Variants in KLHDC8A observed in about 807,000 individuals in gnomAD.
KLHDC8A encodes kelch domain-containing protein 8A.
KLHDC8A carries 21 observed loss-of-function variants against 33.1 expected under a neutral mutation model. The ratio of observed to expected loss-of-function variants is 0.64; its 90% confidence interval spans 0.45 to 0.91. KLHDC8A has a LOEUF of 0.91. Among genes scored for constraint, KLHDC8A ranks in the 40% least tolerant of loss-of-function variants. The probability of loss-of-function intolerance (pLI) is 0.00; values close to 1 mark genes in which losing one functional copy is unlikely to be tolerated. For synonymous variants in KLHDC8A, 173 were observed against 193.5 expected, an observed-to-expected ratio of 0.89 and a Z score of 0.88; for missense variants, 435 against 483.3, an observed-to-expected ratio of 0.90 and a Z score of 0.94.
chr1:205,341,293 G>A (rs1304416189), intron 2 of KLHDC8A, among the ~76,000 whole-genome samples: 1 of 152,082 alleles, frequency 6.6e-6, no homozygotes, highest in Non-Finnish European at 1.5e-5. Flanking sequence ...CTGGCTCCAG[G>A]AGGCCTTTAT....
chr1:205,357,018 C>T (rs1574919887), upstream of KLHDC8A: 1 of 156,100 alleles, frequency 6.4e-6, no homozygotes, highest in East Asian at 1.9e-4. Context: ...GAGCCGGACT[C>T]CTCTGCCAGA....
At chr1:205,343,003 A>G (rs1050123853) in intron 2 of KLHDC8A, among the ~76,000 whole-genome samples, 1 of 151,984 alleles carries the variant, frequency 6.6e-6, no homozygotes, top group African/African-American at 2.4e-5. Context: ...CATTGTCAGG[A>G]CCCCAAATAG....
chr1:205,337,613 A>G, intron 5 of KLHDC8A, 21 bp from the exon 6 acceptor site: 1 of 1,586,474 alleles, frequency 6.3e-7, no homozygotes, highest in South Asian at 1.2e-5. Context: ...CAAGGGAATC[A>G]GACCTTACAA....
Position 205,338,659 on chromosome 1 carries a change from A to G in KLHDC8A, c.758-63T>C, listed in dbSNP as rs1340298553. 3 of 1,371,590 alleles carry G rather than the reference A, an allele frequency of 2.2e-6. No individual in the cohort carries two copies. In the African/African-American group the frequency reaches 4.3e-5, roughly 20 times the overall value. 85.0% of individuals were successfully genotyped at this position (1,371,590 alleles called of 1,614,324 possible). Reference sequence around the variant, plus strand: ...ATAAGATACAGACCACTCCCACCAAATGCAGATTGTGGCCCAAATAGCTTT... The same window carrying G: ...ATAAGATACAGACCACTCCCACCAAGTGCAGATTGTGGCCCAAATAGCTTT... On this transcript the variant is annotated intron_variant, in intron 4 of 5. Coordinates refer to ENST00000367155, the MANE Select transcript of KLHDC8A (RefSeq NM_018203.3).
chr1:205,348,797 G>A (rs984863632), intron 1 of KLHDC8A, among the ~76,000 whole-genome samples: 1 of 152,126 alleles, frequency 6.6e-6, no homozygotes, highest in African/African-American at 2.4e-5. Flanking sequence ...AGCCTTACCA[G>A]GGCCCATACC....
chr1:205,342,942 G>A (rs1185663108), intron 2 of KLHDC8A, among the ~76,000 whole-genome samples: 1 of 152,122 alleles, frequency 6.6e-6, no homozygotes, highest in Non-Finnish European at 1.5e-5. Flanking sequence ...CTGGAATCAG[G>A]TCCCAAAGCC....
In KLHDC8A at chr1:205,343,396, G is replaced by T; in HGVS notation, c.209C>A (p.Ala70Glu). The change falls in exon 2 of 6, where the codon GCG becomes GAG. Residue 70 changes from alanine (A) to glutamate (E), a missense_variant. Ala to Glu is a moderately radical substitution (Grantham distance 107, BLOSUM62 -1). Coordinates refer to ENST00000367155, the MANE Select transcript of KLHDC8A (RefSeq NM_018203.3). ...TALPRLPTAR[A>E]GVAVTALGKR... ...CCCCAGGGCGGTGACGGCCACCCCC[G>T]CCCGGGCTGTGGGCAGCCGGGGCAA... 6.2e-7 allele frequency: 1 copy of T among 1,613,296 alleles called. No homozygotes were observed. The highest frequency in any genetic ancestry group is 2.2e-5 in the East Asian group (1 of 44,860).
intron 5 of KLHDC8A, among the ~76,000 whole-genome samples, chr1:205,338,003 G>A (rs1662681596): frequency 1.3e-5 from 2 of 152,216 alleles, no homozygotes; most frequent in South Asian, 2.1e-4. Context: ...CTTCCTTGAT[G>A]ATGGGGAACT....
chr1:205,351,706 G>T (rs1283297511), intron 1 of KLHDC8A, among the ~76,000 whole-genome samples: 1 of 151,734 alleles, frequency 6.6e-6, no homozygotes, highest in East Asian at 1.9e-4. Context: ...ATCACCTGAG[G>T]TCGGGAGTTT....
At chr1:205,344,606 C>T (rs1662896009) in intron 1 of KLHDC8A, 1 of 152,230 alleles carries the variant, frequency 6.6e-6, no homozygotes, top group Non-Finnish European at 1.5e-5. Context: ...AGTACACAGA[C>T]TCAGCTCGTG....
chr1:205,352,806 G>C (rs1271337637), intron 1 of KLHDC8A, among the ~76,000 whole-genome samples: 1 of 152,242 alleles, frequency 6.6e-6, no homozygotes, highest in African/African-American at 2.4e-5. Context: ...AGGAGGGAGT[G>C]GCAGGGCCTT....
intron 1 of KLHDC8A, chr1:205,351,381 T>C (rs776093993): frequency 4.6e-6 from 4 of 872,284 alleles, no homozygotes; most frequent in Non-Finnish European, 7.9e-6. Flanking sequence ...TAGATGAATG[T>C]GTGGAAATGG....
intron 2 of KLHDC8A, among the ~76,000 whole-genome samples, chr1:205,340,750 C>T (rs1452575363): frequency 6.6e-6 from 1 of 152,238 alleles, no homozygotes; most frequent in African/African-American, 2.4e-5. Context: ...GTTGAGAATA[C>T]AGGCATGAGC....
At position 205,339,433 on chromosome 1, in the gene KLHDC8A, G is replaced by T. The variant is rs759491770; in HGVS notation, c.542-24C>A. ...CCCTGGGGGCCAGAGCAGGATAGAG[G>T]TTGGGCAGAAGGGTTGTCCCTGAGG... On this transcript the variant is annotated intron_variant, in intron 3 of 5. Coordinates refer to ENST00000367155, the MANE Select transcript of KLHDC8A (RefSeq NM_018203.3). This position sits in a 1 kb window ranked among gnomAD's most constrained non-coding sequence, Gnocchi z 5.1. 1.3e-5 allele frequency: 21 copies of T among 1,604,268 alleles called. No individual in the cohort carries two copies. The Admixed American group carries it at 3.4e-4, about 26-fold the overall frequency.
At chr1:205,342,744 C>T (rs1021480649) in intron 2 of KLHDC8A, among the ~76,000 whole-genome samples, 1 of 152,048 alleles carries the variant, frequency 6.6e-6, no homozygotes, top group South Asian at 2.1e-4. Context: ...CTGTACTAGG[C>T]GTGAAAAGAA....
In KLHDC8A at chr1:205,339,181, G is replaced by T. The variant is rs567224748; in HGVS notation, c.757+13C>A. 2 of 1,610,104 alleles carry T rather than the reference G, an allele frequency of 1.2e-6. No homozygotes were observed. Among genetic ancestry groups the T allele is most frequent in the South Asian group, 2.2e-5 (2 of 90,926 alleles). ...GGGCAGCCAGAGCTTCCTGGGGAAG[G>T]TGACCAGCTCACCCTGTTCCATGTC... is the stretch of plus-strand genomic sequence containing the variant. On this transcript the variant is annotated intron_variant, in intron 4 of 5. Coordinates refer to ENST00000367155, the MANE Select transcript of KLHDC8A (RefSeq NM_018203.3). This position sits in a 1 kb window ranked among gnomAD's most constrained non-coding sequence, Gnocchi z 5.1.
intron 1 of KLHDC8A, among the ~76,000 whole-genome samples, chr1:205,353,616 G>A (rs1384599406): frequency 6.6e-6 from 1 of 152,148 alleles, no homozygotes; most frequent in East Asian, 1.9e-4. Context: ...GCTCACTGCA[G>A]CCTCCCGGGC....
intron 2 of KLHDC8A, among the ~76,000 whole-genome samples, chr1:205,340,085 G>A (rs930097754): frequency 5.3e-5 from 8 of 151,836 alleles, no homozygotes; most frequent in African/African-American, 1.9e-4. Flanking sequence ...CATAATCATG[G>A]TTCACTGCAA....
At chr1:205,347,903 A>G (rs901146483) in intron 1 of KLHDC8A, among the ~76,000 whole-genome samples, 3 of 152,072 alleles carry the variant, frequency 2.0e-5, no homozygotes, top group Non-Finnish European at 4.4e-5. Context: ...GTCACTCAGT[A>G]CGTTTTGGGT....
Sources: allele counts gnomAD v4.1 joint callset (sites outside exome capture counted in the v4.1 genomes callset), GRCh38; gene constraint gnomAD v4.1.1; non-coding constraint Gnocchi (gnomAD v3.1); transcripts MANE v1.5; gene names NCBI Gene and HGNC (gene_info 2026-07-23, HGNC 2026-07-21).